Variants in COL24A1 observed in about 807,000 individuals in gnomAD.
COL24A1 encodes the protein collagen type XXIV alpha 1 chain, also known as collagen alpha-1(XXIV) chain.
Under a neutral mutation model 253.9 loss-of-function variants are expected in COL24A1, and 224 were observed. The ratio of observed to expected loss-of-function variants is 0.88; its 90% CI spans 0.79 to 0.99. COL24A1 has a LOEUF of 0.99. Among genes scored for constraint, COL24A1 ranks in the 50% least tolerant of loss-of-function variants. The pLI, the probability that COL24A1 is intolerant of heterozygous loss-of-function variation, is 0.00. For synonymous variants in COL24A1, 685 were observed against 673.7 expected (o/e 1.02, Z -0.26); for missense variants, 2,131 against 2,068.5 (o/e 1.03, Z -0.59).
At chr1:85,897,812 C>G (rs1464144691) in intron 28 of COL24A1, among the ~76,000 whole-genome samples, 2 of 152,092 alleles carry the variant, frequency 1.3e-5, no homozygotes, top group African/African-American at 4.8e-5. Flanking sequence ...GAAAGTTTCT[C>G]TACTATACAA....
At position 86,125,940 on chromosome 1, in the gene COL24A1, T is replaced by A. The variant is rs766869512; in HGVS notation, c.396A>T (p.Gln132His). ...TTTTAGGTAGTAATTGTACTCCTAATTGCAGTCTATTTTTATTTCTAATGC... is the reference window on the plus strand; with the variant it reads ...TTTTAGGTAGTAATTGTACTCCTAAATGCAGTCTATTTTTATTTCTAATGC... ...LFSIRNKNRL[Q>H]LGVQLLPKKL... The change falls in exon 3 of 60, where the codon CAA becomes CAT. Residue 132 changes from glutamine to histidine, a missense_variant. Transcript: ENST00000370571. 1.6e-5 allele frequency: 26 copies of A among 1,613,398 alleles called. No individual in the cohort carries two copies. Among genetic ancestry groups the A allele is most frequent in the Non-Finnish European group, 2.0e-5 (24 of 1,179,768 alleles).
At chr1:86,129,965 G>C (rs955756713) in intron 2 of COL24A1, among the ~76,000 whole-genome samples, 1 of 151,764 alleles carries the variant, frequency 6.6e-6, no homozygotes, top group African/African-American at 2.4e-5. Flanking sequence ...GAGAGATAAA[G>C]TATCTTACCA....
At position 86,156,339 on chromosome 1, in the gene COL24A1, AC is replaced by A; in HGVS notation, c.56+1del. On this transcript the variant is annotated splice_donor_variant, in intron 1 of 59. Transcript: ENST00000370571. LOFTEE classifies it high-confidence loss of function. Reference sequence around the variant, plus strand: ...ACCCTACCCGGCGGGTGGGCTACTTACGTTTTTGCCGTGGGGGAGACTTTTC... The same window carrying A: ...ACCCTACCCGGCGGGTGGGCTACTTAGTTTTTGCCGTGGGGGAGACTTTTC... 1 of 1,612,670 alleles carries A rather than the reference AC, an allele frequency of 6.2e-7. No homozygotes were observed. The highest frequency in any genetic ancestry group is 8.5e-7 in the Non-Finnish European group (1 of 1,179,430).
intron 18 of COL24A1, among the ~76,000 whole-genome samples, chr1:86,020,278 G>C (rs1697404972): frequency 6.6e-6 from 1 of 151,964 alleles, no homozygotes; most frequent in Non-Finnish European, 1.5e-5. Flanking sequence ...ATGTTGGTCA[G>C]GGTGGTCTCG....
intron 19 of COL24A1, among the ~76,000 whole-genome samples, chr1:86,002,013 T>C (rs1218849989): frequency 2.0e-5 from 3 of 152,336 alleles, no homozygotes; most frequent in Non-Finnish European, 2.9e-5. Context: ...CCTAATCTTA[T>C]TCACCTCTGC....
In COL24A1 at chr1:86,033,246, T is replaced by C. The variant is rs80169480; in HGVS notation, c.2004+624A>G. Among the ~76,000 whole-genome samples, 373 of 152,294 alleles carry C rather than the reference T, an allele frequency of 2.4e-3. 10 individuals are homozygous for C. In the East Asian group the frequency reaches 0.046, roughly 19 times the overall value. ...ATTCCCAATTTAGGCTACAGAGATT[T>C]TGTGTTTTTTTCTAACTCACTTTAA... On this transcript the variant is annotated intron_variant, in intron 13 of 59. Transcript: ENST00000370571.
Position 86,061,495 on chromosome 1 carries a change from C to T in COL24A1, c.1752+2220G>A, listed in dbSNP as rs144183355. 8.5e-4 allele frequency among the ~76,000 whole-genome samples: 130 copies of T among 152,100 alleles called. 1 individual carries two copies. In the East Asian group the frequency reaches 0.025, roughly 29 times the overall value. Reference sequence around the variant, plus strand: ...TCTGTTATAGAACATAAGTGAAATCCTATTTCGAATGGATTGTCACAGAGG... The same window carrying T: ...TCTGTTATAGAACATAAGTGAAATCTTATTTCGAATGGATTGTCACAGAGG... On this transcript the variant is annotated intron_variant, in intron 8 of 59. Coordinates refer to ENST00000370571, the MANE Select transcript of COL24A1 (RefSeq NM_152890.7).
intron 11 of COL24A1, among the ~76,000 whole-genome samples, chr1:86,049,756 T>C (rs977096105): frequency 2.0e-5 from 3 of 152,114 alleles, no homozygotes; most frequent in Non-Finnish European, 4.4e-5. Flanking sequence ...GAGGCTAAAT[T>C]CTTTACTGTA....
At chr1:86,138,124 G>A (rs949082794) in intron 2 of COL24A1, among the ~76,000 whole-genome samples, 4 of 152,024 alleles carry the variant, frequency 2.6e-5, no homozygotes, top group African/African-American at 9.7e-5. Context: ...TTCTTGGGAC[G>A]CTTTAAACCC....
chr1:85,852,395 T>C (rs1010525607), intron 37 of COL24A1, among the ~76,000 whole-genome samples: 1 of 152,176 alleles, frequency 6.6e-6, no homozygotes, highest in Non-Finnish European at 1.5e-5. Flanking sequence ...CTCTTCCACC[T>C]CCTCCACAAC....
intron 43 of COL24A1, among the ~76,000 whole-genome samples, chr1:85,833,362 A>G (rs1346101032): frequency 2.0e-5 from 3 of 152,260 alleles, no homozygotes. Context: ...AACACATGAC[A>G]AAATGCTCAT....
chr1:85,781,580 C>T (rs1044213342), intron 51 of COL24A1, among the ~76,000 whole-genome samples: 3 of 151,844 alleles, frequency 2.0e-5, no homozygotes, highest in Non-Finnish European at 2.9e-5. Flanking sequence ...TGTTATATAA[C>T]AAATAAAACT....
intron 57 of COL24A1, among the ~76,000 whole-genome samples, chr1:85,742,678 A>G (rs1160333416): frequency 6.6e-6 from 1 of 152,038 alleles, no homozygotes; most frequent in African/African-American, 2.4e-5. Context: ...TCCTGTTAAC[A>G]ACATCCCACC....
chr1:85,849,430 G>C, intron 37 of COL24A1, 24 bp from the exon 38 acceptor site: 1 of 1,562,200 alleles, frequency 6.4e-7, no homozygotes, highest in Non-Finnish European at 8.8e-7. Context: ...TATAAAAAAG[G>C]AAATAAATGG....
At chr1:85,916,969 T>C (rs939159899) in intron 24 of COL24A1, among the ~76,000 whole-genome samples, 1 of 152,144 alleles carries the variant, frequency 6.6e-6, no homozygotes, top group Non-Finnish European at 1.5e-5. Flanking sequence ...GCTGTATTAT[T>C]TAAGTACAAA....
intron 43 of COL24A1, among the ~76,000 whole-genome samples, chr1:85,832,090 A>T (rs1031514791): frequency 6.6e-6 from 1 of 152,024 alleles, no homozygotes; most frequent in East Asian, 1.9e-4. Flanking sequence ...ATCCATCTTG[A>T]ATTAATTTTT....
intron 2 of COL24A1, among the ~76,000 whole-genome samples, chr1:86,138,382 T>C (rs1351698999): frequency 6.6e-6 from 1 of 152,052 alleles, no homozygotes; most frequent in East Asian, 1.9e-4. Flanking sequence ...CTCTCTAACT[T>C]TATACTACCC....
chr1:85,827,477 A>G, intron 43 of COL24A1, among the ~76,000 whole-genome samples: 1 of 151,538 alleles, frequency 6.6e-6, no homozygotes, highest in Non-Finnish European at 1.5e-5. Flanking sequence ...TTTTCTATTG[A>G]TTGGAATAGT....
intron 24 of COL24A1, among the ~76,000 whole-genome samples, chr1:85,928,082 G>C (rs1253628209): frequency 1.6e-5 from 1 of 62,314 alleles, no homozygotes; most frequent in Non-Finnish European, 3.0e-5. Context: ...GCTGGATGGA[G>C]AATGATTTTG....
Sources: allele counts gnomAD v4.1 joint callset (sites outside exome capture counted in the v4.1 genomes callset), GRCh38; gene constraint gnomAD v4.1.1; transcripts MANE v1.5; gene names NCBI Gene and HGNC (gene_info 2026-07-23, HGNC 2026-07-21).